SDK2: variants seen among roughly 807,000 people sequenced by gnomAD.
SDK2 encodes the protein protein sidekick-2.
In SDK2, 105 loss-of-function variants were observed where a neutral mutation model predicts 253.9. That is an observed-to-expected ratio of 0.41 (90% CI 0.35 to 0.49). The LOEUF is 0.49. SDK2 is among the 20% of genes least tolerant of loss of function. The pLI is 0.06. For missense variants in SDK2, 2,608 were observed against 3,003.0 expected, an observed-to-expected ratio of 0.87 and a Z score of 3.07; for synonymous variants, 1,249 against 1,234.9, an observed-to-expected ratio of 1.01 and a Z score of -0.24.
chr17:73,425,081 G>A (rs1353246713), intron 12 of SDK2, among the ~76,000 whole-genome samples: 5 of 152,240 alleles, frequency 3.3e-5, no homozygotes, highest in Admixed American at 6.5e-5. Flanking sequence ...TTTGCCGGGC[G>A]TGGTGGCCAG....
At chr17:73,528,551 G>C (rs1452311799) in intron 1 of SDK2, among the ~76,000 whole-genome samples, 1 of 152,180 alleles carries the variant, frequency 6.6e-6, no homozygotes, top group Non-Finnish European at 1.5e-5. Flanking sequence ...CAAGTCCTTG[G>C]CTCCTGCTCT....
At position 73,397,378 on chromosome 17, in the gene SDK2, T is replaced by C. The variant is rs565869679; in HGVS notation, c.3354+657A>G. Among the ~76,000 whole-genome samples, 95 of 152,264 alleles carry C rather than the reference T, an allele frequency of 6.2e-4. 1 individual carries two copies. Among genetic ancestry groups the C allele is most frequent in the African/African-American group, 2.2e-3 (91 of 41,556 alleles). On this transcript the variant is annotated intron_variant, in intron 24 of 44. Coordinates refer to ENST00000392650, the MANE Select transcript of SDK2 (RefSeq NM_001144952.2). ...AGGGCTGTGGACTTGCGGGTAAAGA[T>C]TCCCCGGGTTGGGACCTCAGCCCTG...
chr17:73,551,812 C>T (rs7219949), intron 1 of SDK2, among the ~76,000 whole-genome samples: 44,806 of 152,010 alleles, frequency 0.29, 7,301 homozygotes, highest in African/African-American at 0.44. Context: ...CACCCCACCC[C>T]GCTGCTTTCC....
intron 24 of SDK2, among the ~76,000 whole-genome samples, chr17:73,397,348 T>C (rs952183443): frequency 1.3e-5 from 2 of 152,176 alleles, no homozygotes; most frequent in Non-Finnish European, 2.9e-5. Flanking sequence ...GTGTGCCCGA[T>C]GGTTAGGGCT....
chr17:73,539,505 T>TG (rs983752032), intron 1 of SDK2, among the ~76,000 whole-genome samples: 2 of 15,792 alleles, frequency 1.3e-4, no homozygotes, highest in South Asian at 2.1e-3. Flanking sequence ...GAGAGGGAGC[T>TG]GGGGGGTGGT....
At chr17:73,364,081 G>T (rs754778756) in intron 38 of SDK2, among the ~76,000 whole-genome samples, 1 of 151,984 alleles carries the variant, frequency 6.6e-6, no homozygotes. Flanking sequence ...AGTGAGAGGG[G>T]TGGCTCCAGA....
chr17:73,373,611 C>T (rs893224138), intron 36 of SDK2, among the ~76,000 whole-genome samples: 6 of 152,120 alleles, frequency 3.9e-5, no homozygotes, highest in Non-Finnish European at 4.4e-5. Context: ...TGATGCTGAG[C>T]GATGTTGAAC....
chr17:73,464,351 A>T (rs931493641), intron 3 of SDK2, among the ~76,000 whole-genome samples: 3 of 152,176 alleles, frequency 2.0e-5, no homozygotes, highest in African/African-American at 7.2e-5. Context: ...CCCCTGCACA[A>T]GCCCTCTTGC....
chr17:73,533,549 C>T (rs1393530858), intron 1 of SDK2, among the ~76,000 whole-genome samples: 1 of 152,246 alleles, frequency 6.6e-6, no homozygotes, highest in East Asian at 1.9e-4. Flanking sequence ...TGCCCACCAT[C>T]ACTTCCCTGG....
chr17:73,445,685 C>T (rs547889365), intron 5 of SDK2, among the ~76,000 whole-genome samples: 63 of 150,570 alleles, frequency 4.2e-4, no homozygotes, highest in Non-Finnish European at 7.4e-4. Flanking sequence ...TCAATTGCTC[C>T]TCACAAATTG....
intron 2 of SDK2, among the ~76,000 whole-genome samples, chr17:73,498,854 G>A (rs181020064): frequency 6.6e-6 from 1 of 152,328 alleles, no homozygotes; most frequent in African/African-American, 2.4e-5. Context: ...GCTCAGCCAG[G>A]CAGCACAGAG....
intron 4 of SDK2, among the ~76,000 whole-genome samples, chr17:73,448,489 C>T (rs555506778): frequency 6.6e-5 from 10 of 151,794 alleles, no homozygotes; most frequent in East Asian, 1.9e-4. Flanking sequence ...CTCAGCCTCC[C>T]GAGTAGCTAG....
chr17:73,361,958 T>G lies in SDK2; in HGVS notation c.5306-113A>C. ...GGCCCCGGGACCCTGGGTAGGGGCC[T>G]CACTCCTTGAGGTCAGGCTGAAATG... On this transcript the variant is annotated intron_variant, in intron 38 of 44. Transcript: ENST00000392650. This position sits in a 1 kb window ranked among gnomAD's most constrained non-coding sequence, Gnocchi z 4.1. 9.6e-7 allele frequency: 1 copy of G among 1,036,916 alleles called. No individual in the cohort carries two copies. The highest frequency in any genetic ancestry group is 2.6e-5 in the East Asian group (1 of 37,898). The allele number at this position is 1,036,916 out of a possible 1,614,324, so 64.2% of individuals were successfully genotyped here.
At chr17:73,490,530 T>G (rs1175734684) in intron 2 of SDK2, among the ~76,000 whole-genome samples, 3 of 150,944 alleles carry the variant, frequency 2.0e-5, no homozygotes, top group East Asian at 1.9e-4. Context: ...AGTGTTTTTT[T>G]TTTTTTTTTT....
At chr17:73,387,446 T>C (rs959835099) in intron 30 of SDK2, among the ~76,000 whole-genome samples, 4 of 152,112 alleles carry the variant, frequency 2.6e-5, no homozygotes, top group Non-Finnish European at 1.5e-5. Context: ...ATATAAAAAA[T>C]TCAACCCACT....
At chr17:73,596,429 T>C (rs2045759314) in intron 1 of SDK2, among the ~76,000 whole-genome samples, 1 of 152,170 alleles carries the variant, frequency 6.6e-6, no homozygotes, top group Non-Finnish European at 1.5e-5. Context: ...CTCAGTTTCC[T>C]CATCTGCATA....
chr17:73,433,097 A>G (rs1476492229), intron 10 of SDK2, among the ~76,000 whole-genome samples: 1 of 151,570 alleles, frequency 6.6e-6, no homozygotes, highest in African/African-American at 2.4e-5. Context: ...ACTCCCAGGC[A>G]TAATGCAGGA....
intron 39 of SDK2, among the ~76,000 whole-genome samples, chr17:73,358,716 A>T (rs1445482239): frequency 6.6e-6 from 1 of 151,982 alleles, no homozygotes; most frequent in African/African-American, 2.4e-5. Flanking sequence ...GGTAGGTGAT[A>T]TGATGTCCGC....
At chr17:73,565,072 C>G (rs902475027) in intron 1 of SDK2, among the ~76,000 whole-genome samples, 1 of 152,200 alleles carries the variant, frequency 6.6e-6, no homozygotes, top group African/African-American at 2.4e-5. Flanking sequence ...TGAGGTCAGG[C>G]TCTAGCTCCT....
Sources: gnomAD v4.1 joint callset for allele counts (sites outside exome capture counted in the v4.1 genomes callset) on GRCh38, gnomAD v4.1.1 for gene constraint, Gnocchi (gnomAD v3.1) non-coding constraint, MANE v1.5 for transcripts, NCBI Gene and HGNC (gene_info 2026-07-23, HGNC 2026-07-21) for gene names.